Variants in ZBTB45 observed in about 807,000 individuals in gnomAD.
ZBTB45 encodes zinc finger and BTB domain-containing protein 45.
A neutral mutation model predicts 28.4 loss-of-function variants in ZBTB45; 22 were observed. The observed-to-expected ratio is 0.77, with a 90% CI of 0.55 to 1.10. The LOEUF (loss-of-function observed/expected upper bound fraction) is 1.10, where lower values mean the gene tolerates loss of function less well. Among genes scored for constraint, ZBTB45 ranks in the 50% least tolerant of loss-of-function variants. The pLI is 0.00. For synonymous variants in ZBTB45, 361 were observed against 332.3 expected (o/e 1.09, Z -0.94); for missense variants, 656 against 750.2 (o/e 0.87, Z 1.47).
intron 1 of ZBTB45, among the ~76,000 whole-genome samples, chr19:58,535,080 C>A (rs2053653706): frequency 6.6e-6 from 1 of 151,446 alleles, no homozygotes; most frequent in African/African-American, 2.4e-5. Flanking sequence ...GGTCTCTTGG[C>A]CAGGCTGGTC....
intron 1 of ZBTB45, among the ~76,000 whole-genome samples, chr19:58,527,945 T>C (rs1861959551): frequency 6.6e-6 from 1 of 152,084 alleles, no homozygotes; most frequent in East Asian, 1.9e-4. Flanking sequence ...TCTACTAAAA[T>C]ACAAAAATTA....
At chr19:58,518,938 C>T (rs1328429450) in intron 1 of ZBTB45, 1 of 152,396 alleles carries the variant, frequency 6.6e-6, no homozygotes, top group Non-Finnish European at 1.5e-5. Context: ...CTCCTTATGC[C>T]CAATCCGCCG....
intron 1 of ZBTB45, among the ~76,000 whole-genome samples, chr19:58,534,068 A>C (rs547047395): frequency 1.3e-5 from 2 of 152,352 alleles, no homozygotes; most frequent in African/African-American, 4.8e-5. Flanking sequence ...TGGGCTTCTG[A>C]GAGCCAGAGA....
upstream of ZBTB45, among the ~76,000 whole-genome samples, chr19:58,523,179 C>T (rs186736800): frequency 1.7e-3 from 252 of 152,192 alleles, 2 homozygotes; most frequent in Admixed American, 0.015. Context: ...CTCTCTCAAG[C>T]AGCCAAGGGA....
chr19:58,530,235 A>ACC (rs1555797436), intron 1 of ZBTB45, among the ~76,000 whole-genome samples: 1,594 of 150,352 alleles, frequency 0.011, 93 homozygotes, highest in Admixed American at 0.09. Flanking sequence ...ACACACACAC[A>ACC]CCTCAGTTGT....
chr19:58,529,109 A>G (rs1459373671), intron 1 of ZBTB45, among the ~76,000 whole-genome samples: 1 of 150,948 alleles, frequency 6.6e-6, no homozygotes, highest in Non-Finnish European at 1.5e-5. Context: ...AAAGACATTG[A>G]TGAGCTCATC....
At chr19:58,521,190 C>A (rs1258385762), upstream of ZBTB45, among the ~76,000 whole-genome samples, 1 of 148,804 alleles carries the variant, frequency 6.7e-6, no homozygotes, top group East Asian at 2.0e-4. Flanking sequence ...CGGTGAAACC[C>A]CGTCTCTACT....
chr19:58,521,439 C>T (rs1475846285), upstream of ZBTB45, among the ~76,000 whole-genome samples: 3 of 151,726 alleles, frequency 2.0e-5, no homozygotes, highest in African/African-American at 7.3e-5. Flanking sequence ...AGCTAGATTC[C>T]GCCCACAACC....
At chr19:58,535,153 G>A (rs2053654082) in intron 1 of ZBTB45, among the ~76,000 whole-genome samples, 1 of 151,866 alleles carries the variant, frequency 6.6e-6, no homozygotes, top group African/African-American at 2.4e-5. Flanking sequence ...TTACAGGTGT[G>A]AGCCACCGTG....
chr19:58,524,435 ATG>A (rs56704623), upstream of ZBTB45, among the ~76,000 whole-genome samples: 10,737 of 138,140 alleles, frequency 0.078, 418 homozygotes, highest in Admixed American at 0.12. Flanking sequence ...GTGTTCATAT[ATG>A]TGTGTGTGTG....
In ZBTB45 at chr19:58,517,695, C is replaced by G; in HGVS notation, c.1-22G>C. 1.9e-6 allele frequency: 3 copies of G among 1,599,768 alleles called. No individual in the cohort carries two copies. The South Asian group carries it at 3.3e-5, about 18-fold the overall frequency. The stretch of plus-strand genomic sequence containing the variant: ...CCATCTGCACAGAACAAGAGGAGGG[C>G]AGGGAGAGGTCAACTGAGGACCCCC... On this transcript the variant is annotated intron_variant, in intron 1 of 2. Transcript: ENST00000594051.
intron 1 of ZBTB45, among the ~76,000 whole-genome samples, chr19:58,535,981 C>A (rs1039323234): frequency 1.3e-5 from 2 of 152,068 alleles, no homozygotes; most frequent in Non-Finnish European, 2.9e-5. Flanking sequence ...AGTACAAAGG[C>A]CCTGAGTTGA....
At chr19:58,524,947 A>G (rs2053600149) in intron 1 of ZBTB45, among the ~76,000 whole-genome samples, 1 of 152,056 alleles carries the variant, frequency 6.6e-6, no homozygotes. Flanking sequence ...AATGGTGGCC[A>G]TTGAGGGAAG....
intron 1 of ZBTB45, among the ~76,000 whole-genome samples, chr19:58,533,927 C>T (rs893177669): frequency 3.9e-5 from 6 of 152,042 alleles, no homozygotes; most frequent in Admixed American, 1.3e-4. Flanking sequence ...CAACAAGGGC[C>T]GGGGAGGAAC....
Position 58,516,677 on chromosome 19 carries a change from G to GGAAGAGT in ZBTB45, c.990_996dup (p.Pro333ThrfsTer69). 6.4e-7 allele frequency: 1 copy of GGAAGAGT among 1,571,426 alleles called. No individual in the cohort carries two copies. Among genetic ancestry groups the GGAAGAGT allele is most frequent in the Non-Finnish European group, 8.6e-7 (1 of 1,157,270 alleles). The stretch of plus-strand genomic sequence containing the variant: ...GGCCCAGGGGCACCCAAGTGAAAGG[G>GGAAGAGT]GAAGAGTGCAACGGGCGGCCCTGGG... On this transcript the variant is annotated frameshift_variant, in exon 2 of 3. Transcript: ENST00000594051. LOFTEE classifies it high-confidence loss of function. The surrounding 1 kb of genome is among the most constrained non-coding windows in gnomAD (Gnocchi z 6.2).
chr19:58,538,413 G>A lies in ZBTB45; in HGVS notation c.-1+288C>T, dbSNP rs1010167192. Among the ~76,000 whole-genome samples, 11 of 152,082 alleles carry A rather than the reference G, an allele frequency of 7.2e-5. No homozygotes were observed. The South Asian group carries it at 1.9e-3, about 26-fold the overall frequency. On this transcript the variant is annotated intron_variant, in intron 1 of 1. Coordinates refer to the ZBTB45 transcript ENST00000600130. ...TTCAGGGTGGTGGGCTGGAGGGGGC[G>A]GGCCGGCTAGCGAGGCGTGGCCCTA...
chr19:58,529,911 C>T (rs938447952), intron 1 of ZBTB45, among the ~76,000 whole-genome samples: 43 of 152,196 alleles, frequency 2.8e-4, no homozygotes, highest in African/African-American at 1.0e-3. Context: ...GAATGAGACC[C>T]CATTATGGCT....
chr19:58,534,941 C>CTCTCCCCACACAGACCCT (rs2053653064), intron 1 of ZBTB45, among the ~76,000 whole-genome samples: 1 of 150,624 alleles, frequency 6.6e-6, no homozygotes, highest in Admixed American at 6.6e-5. Context: ...CTACAACCTC[C>CTCTCCCCACACAGACCCT]GCCTCCTGGG....
chr19:58,522,468 T>C (rs1772450858), upstream of ZBTB45, among the ~76,000 whole-genome samples: 1 of 151,824 alleles, frequency 6.6e-6, no homozygotes, highest in South Asian at 2.1e-4. Flanking sequence ...GGCCTGTCCC[T>C]ACTAAAAATA....
Sources: allele counts gnomAD v4.1 joint callset (sites outside exome capture counted in the v4.1 genomes callset), GRCh38; gene constraint gnomAD v4.1.1; non-coding constraint Gnocchi (gnomAD v3.1); transcripts MANE v1.5; gene names NCBI Gene and HGNC (gene_info 2026-07-23, HGNC 2026-07-21).